The following PHF21A variants were observed in gnomAD, a reference collection of about 807,000 sequenced individuals.
PHF21A encodes BHC80a.
A neutral mutation model predicts 82.5 loss-of-function variants in PHF21A; 11 were observed. The observed-to-expected ratio is 0.13, with a 90% confidence interval of 0.08 to 0.22. The LOEUF (loss-of-function observed/expected upper bound fraction) is 0.22, where lower values mean the gene tolerates loss of function less well. Ranked by LOEUF, PHF21A falls within the 10% of genes least tolerant of loss-of-function variation. The pLI, the probability that PHF21A is intolerant of heterozygous loss-of-function variation, is 1.00. For missense variants in PHF21A, 579 were observed against 837.8 expected, an observed-to-expected ratio of 0.69 and a Z score of 3.81; for synonymous variants, 297 against 302.8, an observed-to-expected ratio of 0.98 and a Z score of 0.20.
intron 4 of PHF21A, among the ~76,000 whole-genome samples, chr11:46,081,241 G>A (rs975699083): frequency 3.9e-5 from 6 of 152,098 alleles, no homozygotes; most frequent in African/African-American, 1.4e-4. Context: ...GTCACTATAT[G>A]ACTTCATACT....
chr11:45,989,562 G>A (rs1018696943), intron 6 of PHF21A, among the ~76,000 whole-genome samples: 4 of 151,236 alleles, frequency 2.6e-5, no homozygotes, highest in African/African-American at 4.9e-5. Context: ...CCAGCTACTC[G>A]GGAGGCTGAG....
intron 6 of PHF21A, among the ~76,000 whole-genome samples, chr11:46,010,196 T>C (rs1227688040): frequency 6.6e-6 from 1 of 152,218 alleles, no homozygotes; most frequent in Non-Finnish European, 1.5e-5. Flanking sequence ...CTCCTGGGCA[T>C]TTCTAAAGAA....
intron 6 of PHF21A, among the ~76,000 whole-genome samples, chr11:46,014,349 C>T (rs1413808963): frequency 6.6e-6 from 1 of 152,140 alleles, no homozygotes; most frequent in African/African-American, 2.4e-5. Flanking sequence ...TTATGTTGTT[C>T]TTTTTTATGG....
chr11:46,034,758 A>C (rs1278719015), intron 6 of PHF21A, among the ~76,000 whole-genome samples: 1 of 152,118 alleles, frequency 6.6e-6, no homozygotes, highest in Non-Finnish European at 1.5e-5. Flanking sequence ...GCAGAAACCA[A>C]CATGTCATAT....
At chr11:46,081,850 T>A (rs2096796273) in intron 4 of PHF21A, among the ~76,000 whole-genome samples, 1 of 152,246 alleles carries the variant, frequency 6.6e-6, no homozygotes, top group African/African-American at 2.4e-5. Context: ...GTTTTCTCTG[T>A]GCAACAGCAG....
intron 1 of PHF21A, among the ~76,000 whole-genome samples, chr11:46,092,921 A>G (rs539541450): frequency 2.6e-5 from 4 of 151,944 alleles, no homozygotes; most frequent in South Asian, 2.1e-4. Context: ...ATGCCTGGCT[A>G]TTACTTTATT....
chr11:46,007,317 TTC>T (rs981984455), intron 6 of PHF21A, among the ~76,000 whole-genome samples: 21 of 151,846 alleles, frequency 1.4e-4, no homozygotes, highest in African/African-American at 5.1e-4. Flanking sequence ...TTTCTTCTTC[TTC>T]TTTTTTTTTT....
intron 6 of PHF21A, among the ~76,000 whole-genome samples, chr11:45,990,195 A>G (rs1022511391): frequency 5.4e-5 from 8 of 148,554 alleles, no homozygotes; most frequent in Non-Finnish European, 1.0e-4. Context: ...CCCCTCTCAC[A>G]CTTTAGAAAG....
chr11:46,079,240 A>G (rs1431524131), intron 4 of PHF21A, 74 bp from the exon 5 acceptor site: 1 of 1,033,550 alleles, frequency 9.7e-7, no homozygotes, highest in African/African-American at 1.6e-5. Context: ...TTTGGACCAA[A>G]AAATCTAGGA....
chr11:45,935,839 C>T (rs1316247915), intron 17 of PHF21A, 100 bp from the exon 18 acceptor site: 2 of 670,710 alleles, frequency 3.0e-6, no homozygotes, highest in Admixed American at 5.6e-5. Context: ...GTATTTTCCC[C>T]AGAGCTCCCA....
At chr11:46,076,493 TTTAA>T (rs2096727464) in intron 6 of PHF21A, among the ~76,000 whole-genome samples, 1 of 152,040 alleles carries the variant, frequency 6.6e-6, no homozygotes, top group East Asian at 1.9e-4. Context: ...AACTATAGAG[TTTAA>T]TTAACACAGT....
chr11:45,965,274 A>G, intron 10 of PHF21A, 41 bp downstream of exon 10: 1 of 1,584,780 alleles, frequency 6.3e-7, no homozygotes, highest in Non-Finnish European at 8.6e-7. Flanking sequence ...TGCCTCAACG[A>G]CAAGGCTACT....
Position 46,005,502 on chromosome 11 carries a change from T to C in PHF21A, c.154-25536A>G, listed in dbSNP as rs574026997. On this transcript the variant is annotated intron_variant, in intron 6 of 18. Coordinates refer to ENST00000676320, the MANE Select transcript of PHF21A (RefSeq NM_001352027.3). ...TCATTTGCAATATTAACTTAATTAA[T>C]GGGCACCAAATGTTCAGACCTTCCT... is the stretch of plus-strand genomic sequence containing the variant. Among the ~76,000 whole-genome samples, 3 of 152,328 alleles carry C rather than the reference T, an allele frequency of 2.0e-5. 1 individual carries two copies. The South Asian group carries it at 6.2e-4, about 32-fold the overall frequency.
At chr11:46,027,146 A>AAGC (rs1415866091) in intron 6 of PHF21A, 2 of 152,194 alleles carry the variant, frequency 1.3e-5, no homozygotes, top group Non-Finnish European at 1.5e-5. Context: ...CTGCCAATCC[A>AAGC]AGCAGCAGCT....
rs543050172 is a variant in PHF21A, at chr11:45,977,843, C to CTT, written c.360+1915_360+1916dup. On this transcript the variant is annotated intron_variant, in intron 7 of 18. Transcript: ENST00000676320. ...CTTTTTTCTTTTTTTTCTTCTTCTTCTTTTTTTTTTTTTGGTATTGAATGG... is the reference window on the plus strand; with the variant it reads ...CTTTTTTCTTTTTTTTCTTCTTCTTCTTTTTTTTTTTTTTTGGTATTGAATGG... Among the ~76,000 whole-genome samples the CTT allele has an allele frequency of 8.8e-5, 12 of 136,890 alleles. No homozygotes were observed. In the South Asian group the frequency reaches 2.3e-3, roughly 26 times the overall value. 89.8% of individuals were successfully genotyped at this position (136,890 alleles called of 152,430 possible).
intron 11 of PHF21A, among the ~76,000 whole-genome samples, chr11:45,952,241 A>G (rs1292088223): frequency 1.3e-5 from 2 of 152,210 alleles, no homozygotes; most frequent in East Asian, 3.8e-4. Flanking sequence ...GCTACTACAC[A>G]TGATGGTACT....
At chr11:46,064,754 T>C (rs1336967512) in intron 6 of PHF21A, among the ~76,000 whole-genome samples, 1 of 152,190 alleles carries the variant, frequency 6.6e-6, no homozygotes, top group Non-Finnish European at 1.5e-5. Context: ...ATAATGATAG[T>C]TTATAGACAA....
At chr11:45,957,751 C>CAAAAAAAAAAAAA in intron 10 of PHF21A, among the ~76,000 whole-genome samples, 10 of 60,908 alleles carry the variant, frequency 1.6e-4, no homozygotes, top group Non-Finnish European at 2.0e-4. Flanking sequence ...AAATTCAAAG[C>CAAAAAAAAAAAAA]AAAAAAAAAA....
intron 6 of PHF21A, among the ~76,000 whole-genome samples, chr11:46,025,647 G>A (rs2095727345): frequency 6.6e-6 from 1 of 152,200 alleles, no homozygotes; most frequent in African/African-American, 2.4e-5. Flanking sequence ...TTACAGAAAA[G>A]TTGTAATGGC....
Sources: allele counts gnomAD v4.1 joint callset (sites outside exome capture counted in the v4.1 genomes callset), GRCh38; gene constraint gnomAD v4.1.1; transcripts MANE v1.5; gene names NCBI Gene and HGNC (gene_info 2026-07-23, HGNC 2026-07-21).